Variants in CNTNAP2 observed in about 807,000 individuals in gnomAD.
CNTNAP2 encodes the protein contactin associated protein 2.
Under a neutral mutation model 155.2 loss-of-function variants are expected in CNTNAP2, and 98 were observed. The observed-to-expected ratio is 0.63, with a 90% CI of 0.54 to 0.75. CNTNAP2 has a LOEUF of 0.75. Ranked by LOEUF, CNTNAP2 falls within the 30% of genes least tolerant of loss-of-function variation. The probability of loss-of-function intolerance (pLI) is 0.00; values close to 1 mark genes in which losing one functional copy is unlikely to be tolerated. For synonymous variants in CNTNAP2, 651 were observed against 631.2 expected, an observed-to-expected ratio of 1.03 and a Z score of -0.47; for missense variants, 1,727 against 1,688.1, an observed-to-expected ratio of 1.02 and a Z score of -0.40.
intron 12 of CNTNAP2, among the ~76,000 whole-genome samples, chr7:147,563,573 G>A (rs1307671216): frequency 6.6e-6 from 1 of 151,846 alleles, no homozygotes; most frequent in Non-Finnish European, 1.5e-5. Flanking sequence ...AGGTTGTAGT[G>A]AGCCGAGATC....
chr7:147,555,354 G>A (rs375608575), intron 11 of CNTNAP2, among the ~76,000 whole-genome samples: 10 of 152,042 alleles, frequency 6.6e-5, no homozygotes, highest in African/African-American at 2.2e-4. Context: ...ATCCATTCAA[G>A]GGTAGAAATT....
chr7:146,721,207 G>GTATATATTCTCTA (rs1196496886), intron 1 of CNTNAP2, among the ~76,000 whole-genome samples: 1 of 123,050 alleles, frequency 8.1e-6, no homozygotes. Context: ...TATATTCTCT[G>GTATATATTCTCTA]TATATATTCT....
intron 11 of CNTNAP2, among the ~76,000 whole-genome samples, chr7:147,498,788 G>GT (rs146690500): frequency 0.018 from 2,784 of 152,006 alleles, 64 homozygotes; most frequent in Admixed American, 0.044. Flanking sequence ...CAAAGTGGTA[G>GT]TTTTTTTTCC....
intron 3 of CNTNAP2, among the ~76,000 whole-genome samples, chr7:146,867,667 C>A (rs1795231811): frequency 1.3e-5 from 2 of 152,104 alleles, no homozygotes; most frequent in Non-Finnish European, 2.9e-5. Flanking sequence ...TTCTTCACAA[C>A]CTCATCAGCA....
At chr7:147,426,608 A>G (rs933983069) in intron 10 of CNTNAP2, among the ~76,000 whole-genome samples, 1 of 152,168 alleles carries the variant, frequency 6.6e-6, no homozygotes, top group African/African-American at 2.4e-5. Flanking sequence ...CATGAATAGA[A>G]CAGAAAATAT....
At chr7:147,808,835 T>C (rs1563096942) in intron 13 of CNTNAP2, among the ~76,000 whole-genome samples, 1 of 152,254 alleles carries the variant, frequency 6.6e-6, no homozygotes, top group African/African-American at 2.4e-5. Flanking sequence ...GAATGTATTC[T>C]AGTTTTGACT....
At chr7:146,556,982 C>T (rs1798208196) in intron 1 of CNTNAP2, among the ~76,000 whole-genome samples, 1 of 152,044 alleles carries the variant, frequency 6.6e-6, no homozygotes, top group East Asian at 1.9e-4. Flanking sequence ...AGAGAAATAA[C>T]CCTTTTAAAG....
At position 147,026,342 on chromosome 7, in the gene CNTNAP2, A is replaced by T. The variant is rs549184276; in HGVS notation, c.403-17565A>T. ...ATACTAATATCAAAAATATATAAAT[A>T]AGATGATAGGATCCCAAAGTATAAT... is the stretch of plus-strand genomic sequence containing the variant. On this transcript the variant is annotated intron_variant, in intron 3 of 23. Transcript: ENST00000361727. 2.6e-5 allele frequency among the ~76,000 whole-genome samples: 4 copies of T among 152,342 alleles called. No homozygotes were observed. The South Asian group carries it at 8.3e-4, about 32-fold the overall frequency.
chr7:147,819,422 A>T (rs1353217235), intron 13 of CNTNAP2, among the ~76,000 whole-genome samples: 1 of 152,220 alleles, frequency 6.6e-6, no homozygotes, highest in African/African-American at 2.4e-5. Flanking sequence ...TCCCATCTAA[A>T]TAATGAATTC....
intron 14 of CNTNAP2, among the ~76,000 whole-genome samples, chr7:147,970,933 A>G (rs772599095): frequency 2.6e-5 from 4 of 152,238 alleles, no homozygotes; most frequent in Non-Finnish European, 5.9e-5. Flanking sequence ...TGCCATTTAA[A>G]TATCTTGACT....
At chr7:148,172,974 T>C (rs1268864269) in intron 18 of CNTNAP2, among the ~76,000 whole-genome samples, 2 of 152,176 alleles carry the variant, frequency 1.3e-5, no homozygotes, top group East Asian at 3.8e-4. Context: ...ATTAACATCA[T>C]TATTATTACT....
chr7:147,198,001 GA>G (rs1353171199), intron 8 of CNTNAP2, among the ~76,000 whole-genome samples: 1 of 152,036 alleles, frequency 6.6e-6, no homozygotes, highest in East Asian at 1.9e-4. Flanking sequence ...CTAAATACTT[GA>G]AAAATTCCTA....
intron 2 of CNTNAP2, among the ~76,000 whole-genome samples, chr7:146,792,853 G>C (rs1035467015): frequency 1.3e-5 from 2 of 151,866 alleles, no homozygotes; most frequent in African/African-American, 4.8e-5. Context: ...TTTTTTGAAG[G>C]GGCATCAATA....
chr7:147,587,633 C>T (rs748296476), intron 12 of CNTNAP2, among the ~76,000 whole-genome samples: 11 of 152,166 alleles, frequency 7.2e-5, no homozygotes, highest in African/African-American at 1.2e-4. Flanking sequence ...CCAAAAGCAA[C>T]AGCAAAGATT....
chr7:147,215,953 C>CT (rs889628572), intron 8 of CNTNAP2, among the ~76,000 whole-genome samples: 10 of 151,940 alleles, frequency 6.6e-5, no homozygotes, highest in Non-Finnish European at 1.5e-5. Context: ...TGTAGAACAT[C>CT]TTTTTATATG....
intron 15 of CNTNAP2, among the ~76,000 whole-genome samples, chr7:148,034,699 A>C (rs906359554): frequency 6.6e-6 from 1 of 152,236 alleles, no homozygotes; most frequent in African/African-American, 2.4e-5. Flanking sequence ...TTGGAACTGT[A>C]TAATGGGTAG....
chr7:146,742,067 TAAA>T (rs11397176), intron 1 of CNTNAP2, among the ~76,000 whole-genome samples: 14 of 146,712 alleles, frequency 9.5e-5, no homozygotes, highest in African/African-American at 3.5e-4. Context: ...TAGACTGTGT[TAAA>T]AAAAAAAAAA....
chr7:147,083,948 CATTATA>C (rs1463497452), intron 4 of CNTNAP2, among the ~76,000 whole-genome samples: 12 of 92,504 alleles, frequency 1.3e-4, no homozygotes, highest in African/African-American at 3.7e-4. Context: ...TATTATATAG[CATTATA>C]TATAGCATTA....
At chr7:146,149,915 T>C (rs577885756) in intron 1 of CNTNAP2, among the ~76,000 whole-genome samples, 1 of 137,386 alleles carries the variant, frequency 7.3e-6, no homozygotes, top group South Asian at 2.4e-4. Context: ...TCAGGCTTCA[T>C]GAAAAACAAA....
Sources: gnomAD v4.1 joint callset for allele counts (sites outside exome capture counted in the v4.1 genomes callset) on GRCh38, gnomAD v4.1.1 for gene constraint, MANE v1.5 for transcripts, NCBI Gene and HGNC (gene_info 2026-07-23, HGNC 2026-07-21) for gene names.